BBX: variants seen among roughly 807,000 people sequenced by gnomAD.
BBX encodes BBX high mobility group box domain containing, also known as HMG box transcription factor BBX.
Under a neutral mutation model 100.2 loss-of-function variants are expected in BBX, and 30 were observed. That is an observed-to-expected ratio of 0.30 (90% confidence interval 0.22 to 0.41). BBX has a LOEUF of 0.41. Ranked by LOEUF, BBX falls within the 10% of genes least tolerant of loss-of-function variation. The pLI is 1.00. For synonymous variants in BBX, 376 were observed against 388.1 expected, an observed-to-expected ratio of 0.97 and a Z score of 0.37; for missense variants, 1,023 against 1,129.8, an observed-to-expected ratio of 0.91 and a Z score of 1.35.
At chr3:107,642,882 G>A (rs1000909133) in intron 2 of BBX, among the ~76,000 whole-genome samples, 17 of 152,000 alleles carry the variant, frequency 1.1e-4, no homozygotes, top group Non-Finnish European at 1.6e-4. Flanking sequence ...GATTGAATTA[G>A]GGGTATGTAT....
At chr3:107,603,853 CT>C (rs934414807) in intron 2 of BBX, among the ~76,000 whole-genome samples, 7 of 148,306 alleles carry the variant, frequency 4.7e-5, no homozygotes, top group South Asian at 4.3e-4. Flanking sequence ...TTAGTGTGTA[CT>C]TTTTTTTTTA....
intron 13 of BBX, among the ~76,000 whole-genome samples, chr3:107,778,926 G>T (rs1260755697): frequency 6.8e-6 from 1 of 146,724 alleles, no homozygotes; most frequent in Non-Finnish European, 1.5e-5. Flanking sequence ...CTGATAAGCA[G>T]ATGCTAACTA....
chr3:107,657,095 A>C (rs1282488086), intron 3 of BBX: 1 of 152,144 alleles, frequency 6.6e-6, no homozygotes, highest in African/African-American at 2.4e-5. Context: ...TGAGCAATGG[A>C]TATAAATGAG....
chr3:107,700,414 CATTATTATTATTATTATT>C (rs71113690), intron 3 of BBX, among the ~76,000 whole-genome samples: 56 of 70,102 alleles, frequency 8.0e-4, no homozygotes, highest in African/African-American at 1.8e-3. Flanking sequence ...CTTTCATCAT[CATTATTATTATTATTATT>C]ATTATTATTA....
At chr3:107,530,106 G>T (rs1400168250) in intron 2 of BBX, among the ~76,000 whole-genome samples, 1 of 152,160 alleles carries the variant, frequency 6.6e-6, no homozygotes, top group African/African-American at 2.4e-5. Flanking sequence ...AATGCAAAGT[G>T]ACAGGCTAGG....
At chr3:107,762,318 G>A (rs1018175540) in intron 10 of BBX, among the ~76,000 whole-genome samples, 7 of 152,130 alleles carry the variant, frequency 4.6e-5, no homozygotes, top group South Asian at 4.1e-4. Context: ...TTAAATCACC[G>A]TTTCACCTAG....
At chr3:107,592,298 T>C (rs750790424) in intron 2 of BBX, among the ~76,000 whole-genome samples, 3 of 140,122 alleles carry the variant, frequency 2.1e-5, no homozygotes, top group Non-Finnish European at 3.0e-5. Flanking sequence ...GGTGTGAAGG[T>C]TGCAGTGAGC....
chr3:107,541,819 A>G (rs920316295), intron 2 of BBX, among the ~76,000 whole-genome samples: 1 of 151,386 alleles, frequency 6.6e-6, no homozygotes. Flanking sequence ...CAAATTCTAT[A>G]ATTTTTTTTT....
chr3:107,686,482 T>G (rs2059856750), intron 3 of BBX, among the ~76,000 whole-genome samples: 1 of 152,120 alleles, frequency 6.6e-6, no homozygotes. Context: ...TGTGGTGATT[T>G]TTAAGTAGGA....
chr3:107,644,212 ACG>A lies in BBX; in HGVS notation c.-83-1623_-83-1622del, dbSNP rs1430077523. Among the ~76,000 whole-genome samples, 375 of 152,032 alleles carry A rather than the reference ACG, an allele frequency of 2.5e-3. 3 individuals carry two copies. The highest frequency in any genetic ancestry group is 8.6e-3 in the African/African-American group (357 of 41,468). On this transcript the variant is annotated intron_variant, in intron 2 of 17. Transcript: ENST00000325805. ...TTTGAGCTCCTGAAAGAACTTACTT[ACG>A]TATATAGGGATGTATAGGGTATTTT...
intron 10 of BBX, among the ~76,000 whole-genome samples, chr3:107,757,932 G>A (rs1023887327): frequency 1.3e-5 from 2 of 151,958 alleles, no homozygotes; most frequent in African/African-American, 4.8e-5. Context: ...TCCAATTTGG[G>A]CCACACCCAT....
intron 10 of BBX, among the ~76,000 whole-genome samples, chr3:107,769,766 T>C (rs1170015854): frequency 6.6e-6 from 1 of 152,140 alleles, no homozygotes; most frequent in Non-Finnish European, 1.5e-5. Flanking sequence ...AGTGATACGC[T>C]CACTGTCTTT....
chr3:107,655,094 A>C (rs1379543194), intron 3 of BBX, among the ~76,000 whole-genome samples: 1 of 152,236 alleles, frequency 6.6e-6, no homozygotes. Context: ...TATTGAATAC[A>C]AGATGGACTT....
intron 2 of BBX, among the ~76,000 whole-genome samples, chr3:107,572,795 C>G (rs906798579): frequency 6.6e-6 from 1 of 152,040 alleles, no homozygotes; most frequent in Admixed American, 6.6e-5. Flanking sequence ...GCAAAACATC[C>G]AGGAAAATTC....
chr3:107,739,427 T>A (rs897285386), intron 7 of BBX, among the ~76,000 whole-genome samples: 2 of 152,192 alleles, frequency 1.3e-5, no homozygotes, highest in African/African-American at 2.4e-5. Context: ...ATGTCACTCT[T>A]CACTGCCCAC....
At chr3:107,770,634 T>C (rs897013019) in intron 10 of BBX, among the ~76,000 whole-genome samples, 1 of 152,218 alleles carries the variant, frequency 6.6e-6, no homozygotes, top group Non-Finnish European at 1.5e-5. Flanking sequence ...ATAGTCTTCA[T>C]AGCCACTTGC....
chr3:107,717,722 T>C (rs2062206382), intron 5 of BBX, among the ~76,000 whole-genome samples: 1 of 152,168 alleles, frequency 6.6e-6, no homozygotes, highest in South Asian at 2.1e-4. Flanking sequence ...GTATCATGGT[T>C]CTTTTACTAT....
At chr3:107,638,624 A>G (rs2056989261) in intron 2 of BBX, 1 of 151,898 alleles carries the variant, frequency 6.6e-6, no homozygotes, top group South Asian at 2.1e-4. Flanking sequence ...TTGTTTTTTT[A>G]ACAAGTAACA....
intron 10 of BBX, among the ~76,000 whole-genome samples, chr3:107,763,287 C>T (rs749355774): frequency 2.0e-4 from 30 of 150,634 alleles, no homozygotes; most frequent in African/African-American, 3.7e-4. Context: ...TGCGGTGGCG[C>T]GATCTCGGCT....
Sources: allele counts gnomAD v4.1 joint callset (sites outside exome capture counted in the v4.1 genomes callset), GRCh38; gene constraint gnomAD v4.1.1; transcripts MANE v1.5; gene names NCBI Gene and HGNC (gene_info 2026-07-23, HGNC 2026-07-21).